ARHGEF10L: variants seen among roughly 807,000 people sequenced by gnomAD.
ARHGEF10L encodes Rho guanine nucleotide exchange factor 10 like, also known as rho guanine nucleotide exchange factor 10-like protein.
Under a neutral mutation model 141.2 loss-of-function variants are expected in ARHGEF10L, and 69 were observed. The ratio of observed to expected loss-of-function variants is 0.49; its 90% CI spans 0.40 to 0.60. The LOEUF (loss-of-function observed/expected upper bound fraction) is 0.60. ARHGEF10L is among the 20% of genes least tolerant of loss of function. The pLI is 0.00. For synonymous variants in ARHGEF10L, 711 were observed against 718.5 expected, an observed-to-expected ratio of 0.99 and a Z score of 0.17; for missense variants, 1,482 against 1,734.3, an observed-to-expected ratio of 0.85 and a Z score of 2.58.
rs2065589922 is a variant in ARHGEF10L at position 17,697,391 on chromosome 1, C to T, written c.*11C>T. On this transcript the variant is annotated 3_prime_UTR_variant, in exon 29 of 29. Coordinates refer to ENST00000361221, the MANE Select transcript of ARHGEF10L (RefSeq NM_018125.4). The surrounding 1 kb of genome is among the most constrained non-coding windows in gnomAD (Gnocchi z 4.8). ...CCCTTGATGCTATAGCGCCTCCCCT[C>T]TCCCCTCAGAGGGCACAGCTGCAGG... is the stretch of plus-strand genomic sequence containing the variant. The T allele has an allele frequency of 3.2e-6, 5 of 1,573,166 alleles. No individual in the cohort carries two copies. Among genetic ancestry groups the T allele is most frequent in the Non-Finnish European group, 4.3e-6 (5 of 1,157,330 alleles).
At chr1:17,530,862 G>A in the ARHGEF10L span, among the ~76,000 whole-genome samples, 5 of 151,888 alleles carry the variant, frequency 3.3e-5, no homozygotes, top group African/African-American at 9.7e-5. Context: ...AAAATTAGCC[G>A]GGCGTGGTGG....
chr1:17,536,963 GGGCT>G, upstream of ARHGEF10L, among the ~76,000 whole-genome samples: 1 of 152,202 alleles, frequency 6.6e-6, no homozygotes, highest in Non-Finnish European at 1.5e-5. Flanking sequence ...TCAAACTCCT[GGGCT>G]CAAGTGATCC....
intron 4 of ARHGEF10L, among the ~76,000 whole-genome samples, chr1:17,601,869 C>T (rs1380587775): frequency 1.3e-5 from 2 of 152,188 alleles, no homozygotes; most frequent in East Asian, 1.9e-4. Context: ...AGCCCCCTTG[C>T]GGAGAGTGCT....
chr1:17,548,227 A>C (rs2076983495), intron 1 of ARHGEF10L, among the ~76,000 whole-genome samples: 1 of 152,194 alleles, frequency 6.6e-6, no homozygotes, highest in African/African-American at 2.4e-5. Flanking sequence ...AAGACAGATT[A>C]ATAGGAGAAA....
intron 4 of ARHGEF10L, among the ~76,000 whole-genome samples, chr1:17,601,079 A>C (rs571655216): frequency 2.0e-5 from 3 of 151,998 alleles, no homozygotes; most frequent in Admixed American, 1.3e-4. Context: ...CAAAAAACAA[A>C]AAACTCTAAA....
intron 4 of ARHGEF10L, among the ~76,000 whole-genome samples, chr1:17,588,727 G>A (rs1395740505): frequency 6.6e-6 from 1 of 151,976 alleles, no homozygotes; most frequent in Non-Finnish European, 1.5e-5. Context: ...CCCTACCTCT[G>A]TGGCCTTGGA....
intron 10 of ARHGEF10L, among the ~76,000 whole-genome samples, chr1:17,620,275 G>C (rs2060037607): frequency 6.6e-6 from 1 of 152,052 alleles, no homozygotes; most frequent in Non-Finnish European, 1.5e-5. Context: ...TTTGCTCTGG[G>C]ATCTCAGCCC....
At chr1:17,660,005 C>T (rs1207035749) in intron 25 of ARHGEF10L, among the ~76,000 whole-genome samples, 1 of 152,232 alleles carries the variant, frequency 6.6e-6, no homozygotes, top group East Asian at 1.9e-4. Context: ...ATGGCAGTCA[C>T]TCTGCTGTCC....
At chr1:17,596,571 A>T (rs542887866) in intron 4 of ARHGEF10L, among the ~76,000 whole-genome samples, 18 of 152,334 alleles carry the variant, frequency 1.2e-4, no homozygotes, top group Non-Finnish European at 1.6e-4. Flanking sequence ...GTGCGTGTGG[A>T]CCATGCTGGC....
chr1:17,675,561 A>G (rs1378526819), intron 26 of ARHGEF10L, among the ~76,000 whole-genome samples: 24 of 106,014 alleles, frequency 2.3e-4, no homozygotes, highest in East Asian at 9.6e-4. Context: ...GTGCGTGCAG[A>G]TGTGTGTGCA....
chr1:17,521,525 G>C, the ARHGEF10L span, among the ~76,000 whole-genome samples: 1 of 152,246 alleles, frequency 6.6e-6, no homozygotes, highest in Non-Finnish European at 1.5e-5. Context: ...CATGACCACT[G>C]TCTGGCAAAT....
rs373140734 is a variant in ARHGEF10L, at chr1:17,695,234, C to T, written c.3261C>T (p.Ile1087=). Residue 1087 remains isoleucine, a synonymous_variant, in exon 28 of 29, where the codon ATC becomes ATT. Transcript: ENST00000361221. The stretch of plus-strand genomic sequence containing the variant: ...GGGTGGGCACTGACCAGGGTGTCAT[C>T]GTCCTGCTGCCCGTGCCTCGGCTGG... The part of the protein sequence containing the change: ...LLWVGTDQGV[I]VLLPVPRLEG... 22 of 1,606,814 alleles carry T rather than the reference C, an allele frequency of 1.4e-5. No homozygotes were observed. The highest frequency in any genetic ancestry group is 7.8e-5 in the South Asian group (7 of 89,898).
rs1042318605 is a variant in ARHGEF10L, at chr1:17,573,913, C to T, written c.-43-6640C>T. Among the ~76,000 whole-genome samples the T allele has an allele frequency of 1.3e-5, 2 of 152,146 alleles. No homozygotes were observed. The highest frequency in any genetic ancestry group is 2.9e-5 in the Non-Finnish European group (2 of 68,010). Reference sequence around the variant, plus strand: ...GCTCCAGCCATTGACCAAACTTGGCCCCTGCCCCAGTGAGGCAGGCCCCCT... The same window carrying T: ...GCTCCAGCCATTGACCAAACTTGGCTCCTGCCCCAGTGAGGCAGGCCCCCT... On this transcript the variant is annotated intron_variant, in intron 1 of 28. Coordinates refer to ENST00000361221, the MANE Select transcript of ARHGEF10L (RefSeq NM_018125.4). This position sits in a 1 kb window ranked among gnomAD's most constrained non-coding sequence, Gnocchi z 4.8.
chr1:17,521,222 G>A, the ARHGEF10L span, among the ~76,000 whole-genome samples: 1 of 152,130 alleles, frequency 6.6e-6, no homozygotes, highest in Non-Finnish European at 1.5e-5. Context: ...TTGAGACAGA[G>A]TTTCACTCTT....
intron 1 of ARHGEF10L, among the ~76,000 whole-genome samples, chr1:17,576,498 C>T (rs925881924): frequency 5.3e-5 from 8 of 152,106 alleles, no homozygotes; most frequent in South Asian, 2.1e-4. Flanking sequence ...AGCCATTCCA[C>T]GCAGTAGCAG....
chr1:17,634,531 C>T lies in ARHGEF10L; in HGVS notation c.1731-17C>T. ...TTGTAATAACAATCTCCCTTTCCTT[C>T]TTGTCTTTTTTCCCAGGCCTGCCAA... is the stretch of plus-strand genomic sequence containing the variant. On this transcript the variant is annotated splice_polypyrimidine_tract_variant and intron_variant, in intron 16 of 28. Coordinates refer to ENST00000361221, the MANE Select transcript of ARHGEF10L (RefSeq NM_018125.4). The T allele has an allele frequency of 1.9e-6, 3 of 1,614,184 alleles. No individual in the cohort carries two copies. The highest frequency in any genetic ancestry group is 2.5e-6 in the Non-Finnish European group (3 of 1,180,014).
At chr1:17,544,063 C>T (rs375304552) in intron 1 of ARHGEF10L, among the ~76,000 whole-genome samples, 68 of 151,858 alleles carry the variant, frequency 4.5e-4, no homozygotes, top group African/African-American at 1.5e-3. Context: ...TCTCCTGCCT[C>T]AGCCTCTGGG....
chr1:17,560,979 G>A (rs1009220247), intron 1 of ARHGEF10L, among the ~76,000 whole-genome samples: 3 of 152,206 alleles, frequency 2.0e-5, no homozygotes, highest in Admixed American at 6.5e-5. Context: ...ACAGGTTTAG[G>A]GGCTCCAGGA....
intron 15 of ARHGEF10L, among the ~76,000 whole-genome samples, chr1:17,630,501 G>A (rs552127054): frequency 6.6e-6 from 1 of 152,328 alleles, no homozygotes; most frequent in Admixed American, 6.5e-5. Context: ...GCGGAGCCTG[G>A]CCTTAGCAGC....
Sources: gnomAD v4.1 joint callset for allele counts (sites outside exome capture counted in the v4.1 genomes callset) on GRCh38, gnomAD v4.1.1 for gene constraint, Gnocchi (gnomAD v3.1) non-coding constraint, MANE v1.5 for transcripts, NCBI Gene and HGNC (gene_info 2026-07-23, HGNC 2026-07-21) for gene names.